The following YEATS2 variants were observed in gnomAD, a reference collection of about 807,000 sequenced individuals.
YEATS2 encodes the protein YEATS domain containing 2, also known as YEATS domain-containing protein 2.
In YEATS2, 77 loss-of-function variants were observed where a neutral mutation model predicts 163.2. That is an observed-to-expected ratio of 0.47 (90% CI 0.39 to 0.57). The LOEUF (loss-of-function observed/expected upper bound fraction) is 0.57, where lower values mean the gene tolerates loss of function less well. Ranked by LOEUF, YEATS2 falls within the 20% of genes least tolerant of loss-of-function variation. YEATS2 has a pLI of 0.00. For missense variants in YEATS2, 1,549 were observed against 1,729.8 expected (o/e 0.90, Z 1.85); for synonymous variants, 631 against 645.1 (o/e 0.98, Z 0.33).
At chr3:183,761,353 C>T (rs146071709) in intron 13 of YEATS2, among the ~76,000 whole-genome samples, 154 bp from the exon 14 acceptor site, 2,793 of 152,304 alleles carry the variant, frequency 0.018, 85 homozygotes, top group African/African-American at 0.064. Context: ...TCCCAAAGTG[C>T]TGGGAGTACA....
At chr3:183,762,009 C>G in intron 14 of YEATS2, 88 bp from the exon 15 acceptor site, 2 of 1,556,550 alleles carry the variant, frequency 1.3e-6, no homozygotes, top group South Asian at 2.3e-5. Context: ...TCATTAATCC[C>G]TGCAAACGGA....
At chr3:183,810,315 C>G in intron 30 of YEATS2, 160 bp from the exon 31 acceptor site, 1 of 600,546 alleles carries the variant, frequency 1.7e-6, no homozygotes, top group Non-Finnish European at 3.0e-6. Flanking sequence ...GACAGGAAGG[C>G]AGTCCTCACC....
intron 2 of YEATS2, among the ~76,000 whole-genome samples, chr3:183,716,567 C>T (rs1004739502): frequency 3.3e-5 from 5 of 152,092 alleles, no homozygotes; most frequent in South Asian, 2.1e-4. Context: ...GAGGAAATAC[C>T]GTTTCCTTTC....
In YEATS2 at chr3:183,805,552, G is replaced by T. The variant is rs148564372; in HGVS notation, c.3785-1314G>T. ...GCTCAGTGGCCTCCCACTTTGGGAG[G>T]CTGAGGCAGGAGGATTGTTTGAGCC... is the stretch of plus-strand genomic sequence containing the variant. On this transcript the variant is annotated intron_variant, in intron 27 of 30. Coordinates refer to ENST00000305135, the MANE Select transcript of YEATS2 (RefSeq NM_018023.5). Among the ~76,000 whole-genome samples the T allele has an allele frequency of 7.7e-4, 118 of 152,278 alleles. No individual in the cohort carries two copies. The Middle Eastern group carries it at 0.014, about 18-fold the overall frequency.
intron 1 of YEATS2, among the ~76,000 whole-genome samples, chr3:183,700,506 G>A (rs1438780896): frequency 6.6e-6 from 1 of 151,876 alleles, no homozygotes; most frequent in African/African-American, 2.4e-5. Flanking sequence ...GTTTTCTGTC[G>A]TGATACCCAG....
At chr3:183,780,227 C>T (rs1723432615) in intron 19 of YEATS2, among the ~76,000 whole-genome samples, 1 of 152,136 alleles carries the variant, frequency 6.6e-6, no homozygotes, top group African/African-American at 2.4e-5. Flanking sequence ...CACACCAACA[C>T]AGCAAGCACC....
At position 183,810,633 on chromosome 3, in the gene YEATS2, G is replaced by GT. The variant is rs1726716920; in HGVS notation, c.*51dup. Reference sequence around the variant, plus strand: ...CAGGCTTTGAAGGCACAGCGAAGCTGTAACTGAGGACCCTGCTGCTCGGGA... The same window carrying GT: ...CAGGCTTTGAAGGCACAGCGAAGCTGTTAACTGAGGACCCTGCTGCTCGGGA... On this transcript the variant is annotated 3_prime_UTR_variant, in exon 31 of 31. Transcript: ENST00000305135. The GT allele has an allele frequency of 1.3e-6, 2 of 1,540,282 alleles. No individual in the cohort carries two copies. Among genetic ancestry groups the GT allele is most frequent in the Non-Finnish European group, 1.8e-6 (2 of 1,116,452 alleles).
At chr3:183,732,928 A>G (rs1717958203) in intron 7 of YEATS2, among the ~76,000 whole-genome samples, 1 of 152,044 alleles carries the variant, frequency 6.6e-6, no homozygotes. Flanking sequence ...TGCCATGATT[A>G]TAGCTCACTG....
chr3:183,760,694 TTTGC>T (rs891019552), intron 13 of YEATS2, among the ~76,000 whole-genome samples: 5 of 152,126 alleles, frequency 3.3e-5, no homozygotes, highest in African/African-American at 1.2e-4. Flanking sequence ...TTTTTGTTTG[TTTGC>T]TTGTTTTTTA....
At chr3:183,748,815 T>G (rs1242045752) in intron 9 of YEATS2, among the ~76,000 whole-genome samples, 1 of 151,950 alleles carries the variant, frequency 6.6e-6, no homozygotes, top group Non-Finnish European at 1.5e-5. Flanking sequence ...CACAGGCTGG[T>G]CTCGAATTCT....
chr3:183,728,700 C>G lies in YEATS2; in HGVS notation c.661C>G (p.Pro221Ala), dbSNP rs371000867. The change falls in exon 7 of 31, where the codon CCG becomes GCG. Residue 221 changes from proline to alanine, a missense_variant. Physicochemically the swap from Pro to Ala is conservative, Grantham distance 27 (BLOSUM62 -1). Coordinates refer to ENST00000305135, the MANE Select transcript of YEATS2 (RefSeq NM_018023.5). ...TTTCTTCTTCTCTAGGTATATACCT[C>G]CGGATAAGAGGGAAGAAAATGACCA... ...VVGNVSKYIP[P>A]DKREENDQST... 1.9e-6 allele frequency: 3 copies of G among 1,606,830 alleles called. No homozygotes were observed. The highest frequency in any genetic ancestry group is 2.7e-5 in the African/African-American group (2 of 74,530).
At position 183,709,978 on chromosome 3, in the gene YEATS2, C is replaced by T. The variant is rs1014232449; in HGVS notation, c.-19-5166C>T. On this transcript the variant is annotated intron_variant, in intron 1 of 30. Coordinates refer to ENST00000305135, the MANE Select transcript of YEATS2 (RefSeq NM_018023.5). ...TACAGGCGTGAGCCACCATGCCTGA[C>T]CCGAGATAAAAAGTTTAAATTGGAG... Among the ~76,000 whole-genome samples, 7 of 151,876 alleles carry T rather than the reference C, an allele frequency of 4.6e-5. No homozygotes were observed. In the East Asian group the frequency reaches 9.8e-4, roughly 21 times the overall value.
intron 7 of YEATS2, among the ~76,000 whole-genome samples, chr3:183,729,220 T>A (rs61275268): frequency 6.7e-6 from 1 of 149,742 alleles, no homozygotes; most frequent in Non-Finnish European, 1.5e-5. Context: ...TGCAGTGAGC[T>A]GAGATCGCGC....
rs572315298 is a variant in YEATS2, at chr3:183,724,505, A to G, written c.624A>G (p.Lys208=). The part of the protein sequence containing the change: ...TDETSRLFVK[K]TIVVGNVSKY... ...AGACTTCACGACTTTTTGTAAAGAAAACAATAGTAGTGGGCAATGTGTCCA... is the reference window on the plus strand; with the variant it reads ...AGACTTCACGACTTTTTGTAAAGAAGACAATAGTAGTGGGCAATGTGTCCA... The change falls in exon 6 of 31, where the codon AAA becomes AAG. Residue 208 remains lysine, a synonymous_variant. Coordinates refer to ENST00000305135, the MANE Select transcript of YEATS2 (RefSeq NM_018023.5). 7 of 1,613,350 alleles carry G rather than the reference A, an allele frequency of 4.3e-6. No homozygotes were observed. Among genetic ancestry groups the G allele is most frequent in the East Asian group, 2.2e-5 (1 of 44,858 alleles).
chr3:183,721,797 T>C lies in YEATS2; in HGVS notation c.292-94T>C, dbSNP rs1331254540. 8 of 1,487,854 alleles carry C rather than the reference T, an allele frequency of 5.4e-6. No homozygotes were observed. The Admixed American group carries it at 1.4e-4, about 26-fold the overall frequency. 92.2% of individuals were successfully genotyped at this position (1,487,854 alleles called of 1,614,324 possible). On this transcript the variant is annotated intron_variant, in intron 4 of 30. Coordinates refer to ENST00000305135, the MANE Select transcript of YEATS2 (RefSeq NM_018023.5). ...AGATTTTGAAAGATTTTAAGCATGA[T>C]CCTGTAATAGATAAGGTTTTGGAGA...
intron 30 of YEATS2, 140 bp downstream of exon 30, chr3:183,809,310 G>A: frequency 1.2e-6 from 1 of 800,542 alleles, no homozygotes; most frequent in Non-Finnish European, 2.1e-6. Flanking sequence ...AGCCAGATGA[G>A]CTCAAGGGTC....
intron 21 of YEATS2, among the ~76,000 whole-genome samples, chr3:183,792,562 C>T (rs552036284): frequency 3.2e-4 from 49 of 152,222 alleles, no homozygotes; most frequent in Non-Finnish European, 6.3e-4. Flanking sequence ...CTGTCGCCCA[C>T]GCTGGAGTGC....
intron 23 of YEATS2, among the ~76,000 whole-genome samples, chr3:183,799,350 G>C (rs1486719707): frequency 6.6e-6 from 1 of 152,228 alleles, no homozygotes; most frequent in Non-Finnish European, 1.5e-5. Context: ...GGTTGACGGG[G>C]TGTGGAGAAG....
intron 8 of YEATS2, among the ~76,000 whole-genome samples, chr3:183,740,773 A>G (rs569643716): frequency 6.6e-6 from 1 of 152,374 alleles, no homozygotes; most frequent in East Asian, 1.9e-4. Flanking sequence ...AGCTAAGATC[A>G]TTGATGAAGG....
Sources: allele counts gnomAD v4.1 joint callset (sites outside exome capture counted in the v4.1 genomes callset), GRCh38; gene constraint gnomAD v4.1.1; transcripts MANE v1.5; gene names NCBI Gene and HGNC (gene_info 2026-07-23, HGNC 2026-07-21).